Variants in MMD observed in about 807,000 individuals in gnomAD.
MMD encodes monocyte to macrophage differentiation factor.
In MMD, 22 loss-of-function variants were observed where a neutral mutation model predicts 33.6. The observed-to-expected ratio is 0.66, with a 90% CI of 0.47 to 0.94. The LOEUF (loss-of-function observed/expected upper bound fraction) is 0.94. Ranked by LOEUF, MMD falls within the 40% of genes least tolerant of loss-of-function variation. MMD has a pLI of 0.00. For synonymous variants in MMD, 97 were observed against 103.2 expected (o/e 0.94, Z 0.36); for missense variants, 242 against 309.8 (o/e 0.78, Z 1.64).
At chr17:55,419,970 C>A (rs1414275164) in intron 1 of MMD, 1 of 152,034 alleles carries the variant, frequency 6.6e-6, no homozygotes, top group Non-Finnish European at 1.5e-5. Context: ...CAGTGTCCAG[C>A]AAAAATAATT....
chr17:55,420,158 G>C (rs1908123200), intron 1 of MMD: 1 of 152,142 alleles, frequency 6.6e-6, no homozygotes. Flanking sequence ...AAACAAGGAA[G>C]GGGCAATTTC....
chr17:55,413,822 G>A lies in MMD; in HGVS notation c.108+329C>T, dbSNP rs1296006491. 2.6e-5 allele frequency among the ~76,000 whole-genome samples: 4 copies of A among 152,126 alleles called. No homozygotes were observed. The East Asian group carries it at 5.8e-4, about 22-fold the overall frequency. ...GAACACAGTTGATTGTCTTGAAAAG[G>A]CGATTCATTTCATTCTAGGGGTGAC... is the stretch of plus-strand genomic sequence containing the variant. On this transcript the variant is annotated intron_variant, in intron 2 of 6. Transcript: ENST00000262065.
chr17:55,398,661 T>G (rs1440687416), intron 6 of MMD, among the ~76,000 whole-genome samples: 1 of 152,244 alleles, frequency 6.6e-6, no homozygotes. Flanking sequence ...TTTTGTTCTG[T>G]TAGGCGGTTT....
intron 6 of MMD, among the ~76,000 whole-genome samples, chr17:55,400,589 T>C (rs1360768911): frequency 1.3e-5 from 2 of 150,814 alleles, no homozygotes; most frequent in Non-Finnish European, 2.9e-5. Flanking sequence ...AATGTGCCTA[T>C]GAGATTAGGA....
At chr17:55,418,981 C>A (rs181232358) in intron 1 of MMD, among the ~76,000 whole-genome samples, 5 of 152,134 alleles carry the variant, frequency 3.3e-5, no homozygotes, top group African/African-American at 1.2e-4. Flanking sequence ...TGTGTGCCCA[C>A]ACACAGATGT....
At chr17:55,404,702 C>G in intron 4 of MMD, 1 of 984,990 alleles carries the variant, frequency 1.0e-6, no homozygotes, top group Non-Finnish European at 1.2e-6. Context: ...AGAATTTAAC[C>G]ATGGACTGTT....
At chr17:55,396,882 T>TG in intron 6 of MMD, among the ~76,000 whole-genome samples, 1 of 152,236 alleles carries the variant, frequency 6.6e-6, no homozygotes, top group South Asian at 2.1e-4. Flanking sequence ...CCCAAAGTGC[T>TG]GGGATTACAG....
In MMD at chr17:55,411,310, G is replaced by A. The variant is rs778517393; in HGVS notation, c.216C>T (p.Leu72=). Reference sequence around the variant, plus strand: ...TGTGAAATACTGTAGAAACGATGAAGAGGGCACAGAGTCCCATTCCATAAA... The same window carrying A: ...TGTGAAATACTGTAGAAACGATGAAAAGGGCACAGAGTCCCATTCCATAAA... The part of the protein sequence containing the change: ...AWIYGMGLCA[L]FIVSTVFHIV... Residue 72 remains leucine (L), a synonymous_variant, in exon 3 of 7, where the codon CTC becomes CTT. Transcript: ENST00000262065. The A allele has an allele frequency of 6.2e-7, 1 of 1,614,048 alleles. No homozygotes were observed. The highest frequency in any genetic ancestry group is 1.1e-5 in the South Asian group (1 of 91,074).
intron 3 of MMD, among the ~76,000 whole-genome samples, chr17:55,408,302 A>G: frequency 6.6e-6 from 1 of 152,208 alleles, no homozygotes; most frequent in East Asian, 1.9e-4. Flanking sequence ...AGGTATTTAC[A>G]GTTTTTACTT....
intron 4 of MMD, among the ~76,000 whole-genome samples, chr17:55,406,882 T>C (rs1907570147): frequency 6.6e-6 from 1 of 151,620 alleles, no homozygotes; most frequent in Admixed American, 6.6e-5. Context: ...AATACAAAAA[T>C]TAGCTGGGTG....
At chr17:55,411,826 C>T (rs146291687) in intron 2 of MMD, among the ~76,000 whole-genome samples, 1 of 152,252 alleles carries the variant, frequency 6.6e-6, no homozygotes. Flanking sequence ...ACTGTAATCC[C>T]AGCACTTTGG....
chr17:55,398,597 C>T (rs1907212529), intron 6 of MMD, among the ~76,000 whole-genome samples: 1 of 151,930 alleles, frequency 6.6e-6, no homozygotes, highest in African/African-American at 2.4e-5. Context: ...ACTTATGGTA[C>T]ATGCTAAGTT....
At chr17:55,412,388 AT>A (rs2143151045) in intron 2 of MMD, among the ~76,000 whole-genome samples, 1 of 152,312 alleles carries the variant, frequency 6.6e-6, no homozygotes, top group South Asian at 2.1e-4. Flanking sequence ...AGGCCCACCT[AT>A]TCAAAAAATC....
intron 3 of MMD, among the ~76,000 whole-genome samples, chr17:55,409,819 T>C (rs1185461573): frequency 6.6e-6 from 1 of 152,206 alleles, no homozygotes; most frequent in Non-Finnish European, 1.5e-5. Context: ...CCAAGTTTGC[T>C]GAAACAACCA....
intron 4 of MMD, among the ~76,000 whole-genome samples, chr17:55,406,046 C>T (rs1012343758): frequency 1.3e-5 from 2 of 152,220 alleles, no homozygotes; most frequent in African/African-American, 4.8e-5. Context: ...ATGATAAACA[C>T]ACTTGCTATA....
At chr17:55,409,895 C>T (rs1339290495) in intron 3 of MMD, among the ~76,000 whole-genome samples, 3 of 152,180 alleles carry the variant, frequency 2.0e-5, no homozygotes, top group African/African-American at 4.8e-5. Context: ...CTGGGCGCTG[C>T]GACAGTGTGT....
intron 1 of MMD, among the ~76,000 whole-genome samples, chr17:55,416,286 C>T (rs542734293): frequency 6.6e-6 from 1 of 152,310 alleles, no homozygotes; most frequent in South Asian, 2.1e-4. Context: ...CATTACCCAG[C>T]AACAGGGATA....
intron 1 of MMD, 123 bp from the exon 2 acceptor site, chr17:55,414,355 G>T: frequency 1.1e-6 from 1 of 886,652 alleles, no homozygotes; most frequent in Non-Finnish European, 1.8e-6. Flanking sequence ...ATACCCAGTT[G>T]CGGTAATAAA....
At position 55,408,479 on chromosome 17, in the gene MMD, C is replaced by T. The variant is rs532733334; in HGVS notation, c.270-659G>A. ...AACTGAAAAGTCAGAGGTATATGTA[C>T]AAAGAGTTTGGTTCACTGAGGTCTA... On this transcript the variant is annotated intron_variant, in intron 3 of 6. Coordinates refer to ENST00000262065, the MANE Select transcript of MMD (RefSeq NM_012329.3). Among the ~76,000 whole-genome samples the T allele has an allele frequency of 3.9e-5, 6 of 152,254 alleles. No individual in the cohort carries two copies. In the East Asian group the frequency reaches 7.7e-4, roughly 20 times the overall value.
Sources: gnomAD v4.1 joint callset for allele counts (sites outside exome capture counted in the v4.1 genomes callset) on GRCh38, gnomAD v4.1.1 for gene constraint, MANE v1.5 for transcripts, NCBI Gene and HGNC (gene_info 2026-07-23, HGNC 2026-07-21) for gene names.